Variants in NAALADL2 observed in about 807,000 individuals in gnomAD.
NAALADL2 encodes inactive N-acetylated-alpha-linked acidic dipeptidase-like protein 2.
NAALADL2 carries 76 observed loss-of-function variants against 87.2 expected under a neutral mutation model. The observed-to-expected ratio is 0.87, with a 90% CI of 0.72 to 1.05. The LOEUF is 1.05. Ranked by LOEUF, NAALADL2 falls within the 50% of genes least tolerant of loss-of-function variation. The probability of loss-of-function intolerance (pLI) is 0.00; values close to 1 mark genes in which losing one functional copy is unlikely to be tolerated. For missense variants in NAALADL2, 1,089 were observed against 945.8 expected, an observed-to-expected ratio of 1.15 and a Z score of -1.99; for synonymous variants, 354 against 331.0, an observed-to-expected ratio of 1.07 and a Z score of -0.75.
At chr3:174,961,588 T>G (rs1479694394) in intron 1 of NAALADL2, among the ~76,000 whole-genome samples, 10 of 151,972 alleles carry the variant, frequency 6.6e-5, no homozygotes, top group South Asian at 4.1e-4. Context: ...TTAATTCAAG[T>G]ACCTTATCTT....
chr3:174,937,308 A>G (rs565600035), intron 1 of NAALADL2, among the ~76,000 whole-genome samples: 1 of 152,150 alleles, frequency 6.6e-6, no homozygotes, highest in South Asian at 2.1e-4. Flanking sequence ...TAGGATAACA[A>G]TGAAACAGTA....
intron 6 of NAALADL2, 78 bp downstream of exon 6, chr3:175,447,450 G>C: frequency 2.0e-6 from 2 of 981,458 alleles, no homozygotes; most frequent in Non-Finnish European, 2.9e-6. Flanking sequence ...CTAAATTGAT[G>C]TATGTAGGAT....
intron 4 of NAALADL2, among the ~76,000 whole-genome samples, chr3:175,322,920 G>T (rs1760106268): frequency 6.6e-6 from 1 of 151,646 alleles, no homozygotes; most frequent in South Asian, 2.1e-4. Flanking sequence ...CATTGTGGAA[G>T]TCAGTGTGGC....
intron 2 of NAALADL2, among the ~76,000 whole-genome samples, chr3:174,709,954 A>G (rs1435311988): frequency 2.0e-5 from 3 of 152,200 alleles, no homozygotes; most frequent in Non-Finnish European, 2.9e-5. Context: ...CAAGGTGTAT[A>G]TCATTTATAA....
At chr3:174,877,261 A>AT (rs1436827499) in intron 1 of NAALADL2, among the ~76,000 whole-genome samples, 2 of 152,120 alleles carry the variant, frequency 1.3e-5, no homozygotes, top group Admixed American at 6.6e-5. Flanking sequence ...ATCTATGTAG[A>AT]TATCTATGCA....
chr3:175,240,296 G>A (rs561522641), intron 3 of NAALADL2, among the ~76,000 whole-genome samples: 6 of 152,294 alleles, frequency 3.9e-5, no homozygotes, highest in South Asian at 2.1e-4. Context: ...GTGCCTTAAC[G>A]TATGAAATCT....
At chr3:175,653,131 A>G (rs564050772) in intron 11 of NAALADL2, among the ~76,000 whole-genome samples, 1 of 152,276 alleles carries the variant, frequency 6.6e-6, no homozygotes, top group African/African-American at 2.4e-5. Context: ...CACACTGAGT[A>G]GGCTAAGGAG....
chr3:175,110,099 G>T (rs1251131071), intron 2 of NAALADL2, among the ~76,000 whole-genome samples: 1 of 151,720 alleles, frequency 6.6e-6, no homozygotes, highest in African/African-American at 2.4e-5. Flanking sequence ...GTGTTTTGGG[G>T]CATTTTTCCC....
At chr3:174,679,454 A>G (rs535061103) in intron 2 of NAALADL2, among the ~76,000 whole-genome samples, 2 of 152,306 alleles carry the variant, frequency 1.3e-5, no homozygotes, top group South Asian at 4.1e-4. Context: ...CATGTTAAAC[A>G]TATTTTATAT....
chr3:175,684,154 TA>T (rs566709588), intron 11 of NAALADL2, among the ~76,000 whole-genome samples: 8,553 of 142,996 alleles, frequency 0.06, 779 homozygotes, highest in African/African-American at 0.2. Flanking sequence ...GCAATCACTT[TA>T]AAAAAAAAAA....
At position 175,536,749 on chromosome 3, in the gene NAALADL2, G is replaced by A. The variant is rs1356494729; in HGVS notation, c.1654-39292G>A. On this transcript the variant is annotated intron_variant, in intron 9 of 13. Coordinates refer to ENST00000454872, the MANE Select transcript of NAALADL2 (RefSeq NM_207015.3). ...AGGATGGTTGCGATCTCCTGACCTC[G>A]TGATCTGCCCGTCTCTTCCTCTCAA... Among the ~76,000 whole-genome samples, 6 of 152,164 alleles carry A rather than the reference G, an allele frequency of 3.9e-5. No homozygotes were observed. In the South Asian group the frequency reaches 8.3e-4, roughly 21 times the overall value.
rs534199412 is a variant in NAALADL2 at position 175,608,311 on chromosome 3, C to T, written c.1801-18980C>T. Among the ~76,000 whole-genome samples the T allele has an allele frequency of 4.7e-5, 7 of 150,076 alleles. No individual in the cohort carries two copies. The East Asian group carries it at 1.2e-3, about 26-fold the overall frequency. Reference sequence around the variant, plus strand: ...ACATCATTTTTATTAAAATATTGTTCCTCTTTTAATCTTTTAATGAAGATT... The same window carrying T: ...ACATCATTTTTATTAAAATATTGTTTCTCTTTTAATCTTTTAATGAAGATT... On this transcript the variant is annotated intron_variant, in intron 10 of 13. Transcript: ENST00000454872.
chr3:174,978,420 C>G (rs1444108784), intron 1 of NAALADL2, among the ~76,000 whole-genome samples: 5 of 152,184 alleles, frequency 3.3e-5, no homozygotes, highest in African/African-American at 1.2e-4. Context: ...TCAGTCCTCA[C>G]TCTTTTTTAT....
At chr3:175,236,142 A>G (rs893262363) in intron 3 of NAALADL2, among the ~76,000 whole-genome samples, 4 of 152,144 alleles carry the variant, frequency 2.6e-5, no homozygotes, top group Non-Finnish European at 4.4e-5. Context: ...TTAAATTTCT[A>G]TGACTCCTTT....
At chr3:175,604,998 T>A (rs1362379066) in intron 10 of NAALADL2, among the ~76,000 whole-genome samples, 1 of 152,226 alleles carries the variant, frequency 6.6e-6, no homozygotes, top group African/African-American at 2.4e-5. Context: ...TTCTGCTTAT[T>A]CATACTGAGT....
intron 2 of NAALADL2, among the ~76,000 whole-genome samples, chr3:174,727,867 C>T (rs1160257164): frequency 6.6e-6 from 1 of 152,050 alleles, no homozygotes; most frequent in Non-Finnish European, 1.5e-5. Flanking sequence ...CCTCTGTGTT[C>T]CACTATTCAT....
chr3:174,511,905 T>C (rs1470775041), intron 1 of NAALADL2, among the ~76,000 whole-genome samples: 1 of 152,144 alleles, frequency 6.6e-6, no homozygotes, highest in Non-Finnish European at 1.5e-5. Context: ...TCACTTCATG[T>C]AAAAGTATAA....
At chr3:175,458,332 A>G (rs1406903181) in intron 6 of NAALADL2, among the ~76,000 whole-genome samples, 2 of 151,490 alleles carry the variant, frequency 1.3e-5, no homozygotes, top group Non-Finnish European at 2.9e-5. Flanking sequence ...ATATCTATAC[A>G]CTCAGATTTA....
At chr3:175,407,536 C>T (rs1288530721) in intron 5 of NAALADL2, among the ~76,000 whole-genome samples, 1 of 152,134 alleles carries the variant, frequency 6.6e-6, no homozygotes, top group African/African-American at 2.4e-5. Flanking sequence ...GGGAAAAATA[C>T]ATTTCTATAA....
Sources: allele counts gnomAD v4.1 joint callset (sites outside exome capture counted in the v4.1 genomes callset), GRCh38; gene constraint gnomAD v4.1.1; transcripts MANE v1.5; gene names NCBI Gene and HGNC (gene_info 2026-07-23, HGNC 2026-07-21).